ZNF644: variants seen among roughly 807,000 people sequenced by gnomAD.
ZNF644 encodes zinc finger motif enhancer binding protein 2.
A neutral mutation model predicts 108.0 loss-of-function variants in ZNF644; 20 were observed. The ratio of observed to expected loss-of-function variants is 0.19; its 90% CI spans 0.13 to 0.27. ZNF644 has a LOEUF of 0.27. ZNF644 is among the 10% of genes least tolerant of loss of function. The pLI, the probability that ZNF644 is intolerant of heterozygous loss-of-function variation, is 1.00. For synonymous variants in ZNF644, 542 were observed against 539.1 expected (o/e 1.01, Z -0.08); for missense variants, 1,338 against 1,548.9 (o/e 0.86, Z 2.29).
chr1:90,992,237 A>C (rs1013574192), intron 1 of ZNF644, among the ~76,000 whole-genome samples: 34 of 152,342 alleles, frequency 2.2e-4, no homozygotes, highest in African/African-American at 7.9e-4. Flanking sequence ...TACAGACGTC[A>C]AATCTGTTCA....
At chr1:91,007,539 G>A (rs1215385090) in intron 1 of ZNF644, among the ~76,000 whole-genome samples, 1 of 151,886 alleles carries the variant, frequency 6.6e-6, no homozygotes, top group Non-Finnish European at 1.5e-5. Context: ...TATGTTGAAC[G>A]TGCATGCAAG....
At chr1:90,979,102 A>G (rs551039792) in intron 2 of ZNF644, among the ~76,000 whole-genome samples, 2 of 152,274 alleles carry the variant, frequency 1.3e-5, no homozygotes, top group East Asian at 1.9e-4. Flanking sequence ...AACTAGCCAA[A>G]TTTCAAACAC....
At chr1:90,928,135 C>T (rs375800384) in intron 4 of ZNF644, among the ~76,000 whole-genome samples, 23 of 151,650 alleles carry the variant, frequency 1.5e-4, no homozygotes, top group East Asian at 5.9e-4. Flanking sequence ...GTGTTAGCCA[C>T]GGCACCTGGC....
intron 1 of ZNF644, chr1:91,021,783 C>T: frequency 2.6e-6 from 1 of 379,070 alleles, no homozygotes; most frequent in Non-Finnish European, 4.7e-6. Context: ...GCCTCCTCGG[C>T]CGCCGCCGCC....
chr1:90,944,268 G>T (rs1278759338), intron 2 of ZNF644, among the ~76,000 whole-genome samples: 1 of 152,100 alleles, frequency 6.6e-6, no homozygotes. Flanking sequence ...TGTCAGCTTG[G>T]AGACTGCATC....
At chr1:91,002,264 C>G (rs940043416) in intron 1 of ZNF644, among the ~76,000 whole-genome samples, 1 of 152,144 alleles carries the variant, frequency 6.6e-6, no homozygotes, top group African/African-American at 2.4e-5. Flanking sequence ...CATCACGCTA[C>G]CTGACTTCAA....
intron 1 of ZNF644, chr1:91,021,626 A>T (rs1660922671): frequency 7.3e-6 from 1 of 137,742 alleles, no homozygotes; most frequent in South Asian, 2.8e-4. Context: ...CCGACGCCGC[A>T]GCGGAAAGCC....
Position 90,940,039 on chromosome 1 carries a change from A to C in ZNF644, c.1315T>G (p.Phe439Val), listed in dbSNP as rs781020683. Reference protein sequence around the residue: ...MMYHLDGNSHFRHLNVPRPYA... With the variant: ...MMYHLDGNSHVRHLNVPRPYA... ...GGCCTTGGGACATTAAGATGGCGAA[A>C]GTGACTATTCCCATCTAAATGATAC... is the stretch of plus-strand genomic sequence containing the variant. The change falls in exon 3 of 6, where the codon TTT (phenylalanine) becomes GTT (valine). Residue 439 changes from phenylalanine (F) to valine (V), a missense_variant. By Grantham distance (50) the Phe-to-Val change is conservative. This residue lies in a region of ZNF644 where 80 missense variants were observed against 183.0 expected (regional missense o/e 0.44). Coordinates refer to ENST00000337393, the MANE Select transcript of ZNF644 (RefSeq NM_201269.3). The C allele has an allele frequency of 6.2e-7, 1 of 1,614,110 alleles. No homozygotes were observed. The highest frequency in any genetic ancestry group is 8.5e-7 in the Non-Finnish European group (1 of 1,179,964).
In ZNF644 at chr1:90,939,437, G is replaced by C; in HGVS notation, c.1917C>G (p.Ser639Arg). ...DILEEPVDSD[S>R]TKTLTKQQST... is the part of the protein sequence containing the mutation. ...ACTGTTGTTTAGTTAATGTTTTAGTGCTATCACTATCTACAGGTTCTTCAA... is the reference window on the plus strand; with the variant it reads ...ACTGTTGTTTAGTTAATGTTTTAGTCCTATCACTATCTACAGGTTCTTCAA... The change falls in exon 3 of 6, where the codon AGC becomes AGG. Residue 639 changes from serine (S) to arginine (R), a missense_variant. Transcript: ENST00000337393. 6.2e-7 allele frequency: 1 copy of C among 1,613,844 alleles called. No homozygotes were observed. Among genetic ancestry groups the C allele is most frequent in the Non-Finnish European group, 8.5e-7 (1 of 1,179,912 alleles).
intron 4 of ZNF644, among the ~76,000 whole-genome samples, chr1:90,924,197 T>A (rs1649770481): frequency 6.6e-6 from 1 of 152,282 alleles, no homozygotes. Context: ...GGCTTACTGG[T>A]CAGCTGAGTT....
Position 90,940,538 on chromosome 1 carries a change from A to G in ZNF644, c.816T>C (p.Asn272=). The change falls in exon 3 of 6, where the codon AAT becomes AAC. Residue 272 remains asparagine (N), a synonymous_variant. Transcript: ENST00000337393. ...QKEFIQFLMT[N]EETVDKAPPH... ...GTGGAGCTTTATCTACTGTTTCCTC[A>G]TTAGTCATAAGAAATTGAATGAACT... is the stretch of plus-strand genomic sequence containing the variant. The G allele has an allele frequency of 6.2e-7, 1 of 1,613,636 alleles. No homozygotes were observed. The highest frequency in any genetic ancestry group is 2.2e-5 in the East Asian group (1 of 44,846).
At chr1:90,978,939 C>T (rs1362004273) in intron 2 of ZNF644, among the ~76,000 whole-genome samples, 1 of 152,092 alleles carries the variant, frequency 6.6e-6, no homozygotes, top group East Asian at 1.9e-4. Flanking sequence ...ATGTCAACGT[C>T]TAACTCTGTG....
At chr1:90,998,055 G>T (rs554919883) in intron 1 of ZNF644, among the ~76,000 whole-genome samples, 1 of 152,204 alleles carries the variant, frequency 6.6e-6, no homozygotes, top group Non-Finnish European at 1.5e-5. Context: ...CAGGAAGCTC[G>T]AACTGGGGGG....
chr1:91,008,075 T>G (rs1659615982), intron 1 of ZNF644, among the ~76,000 whole-genome samples: 2 of 152,224 alleles, frequency 1.3e-5, no homozygotes, highest in Non-Finnish European at 2.9e-5. Flanking sequence ...TGTCAGCCAG[T>G]ATTCTCAGAA....
At chr1:90,918,185 C>A in intron 4 of ZNF644, 31 bp from the exon 5 acceptor site, 1 of 1,557,224 alleles carries the variant, frequency 6.4e-7, no homozygotes, top group Non-Finnish European at 8.9e-7. Context: ...ACTTAACATT[C>A]CTTATATATT....
At chr1:90,965,883 G>T (rs1570452433) in intron 2 of ZNF644, among the ~76,000 whole-genome samples, 2 of 152,164 alleles carry the variant, frequency 1.3e-5, no homozygotes, top group East Asian at 3.9e-4. Flanking sequence ...CCAAGTATCT[G>T]GGATTACAGG....
At chr1:90,944,555 T>C (rs1410899240) in intron 2 of ZNF644, among the ~76,000 whole-genome samples, 1 of 152,188 alleles carries the variant, frequency 6.6e-6, no homozygotes, top group East Asian at 1.9e-4. Flanking sequence ...TGTTACCTTC[T>C]GCATCAGTTT....
intron 1 of ZNF644, among the ~76,000 whole-genome samples, chr1:91,001,853 T>C (rs1182706254): frequency 1.3e-5 from 2 of 152,112 alleles, no homozygotes. Flanking sequence ...GGATACAAAA[T>C]CAATGTGCAA....
chr1:90,973,108 AC>A (rs1655661996), intron 2 of ZNF644: 1 of 152,042 alleles, frequency 6.6e-6, no homozygotes, highest in Non-Finnish European at 1.5e-5. Context: ...ATTTCATGTT[AC>A]ATATAGTTTA....
Sources: gnomAD v4.1 joint callset for allele counts (sites outside exome capture counted in the v4.1 genomes callset) on GRCh38, gnomAD v4.1.1 for gene constraint, gnomAD v4.1.1 regional missense constraint, MANE v1.5 for transcripts, NCBI Gene and HGNC (gene_info 2026-07-23, HGNC 2026-07-21) for gene names.